The following CASP10 variants were observed in gnomAD, a reference collection of about 807,000 sequenced individuals.
The protein encoded by CASP10 is caspase 10, also known as caspase-10.
Under a neutral mutation model 48.5 loss-of-function variants are expected in CASP10, and 41 were observed. That is an observed-to-expected ratio of 0.85 (90% CI 0.66 to 1.10). The LOEUF is 1.10. Among genes scored for constraint, CASP10 ranks in the 50% least tolerant of loss-of-function variants. The pLI, the probability that CASP10 is intolerant of heterozygous loss-of-function variation, is 0.00. For missense variants in CASP10, 614 were observed against 614.5 expected (o/e 1.00, Z 0.01); for synonymous variants, 232 against 238.4 (o/e 0.97, Z 0.25).
chr2:201,191,001 A>G lies in CASP10; in HGVS notation c.442-1983A>G, dbSNP rs1358150824. Among the ~76,000 whole-genome samples the G allele has an allele frequency of 2.0e-5, 3 of 151,862 alleles. No individual in the cohort carries two copies. The East Asian group carries it at 5.8e-4, about 29-fold the overall frequency. ...CTCAGCCTCCTGAGTAGCTGGGATT[A>G]CAGGCGCCCACCACCACACCCAGCT... On this transcript the variant is annotated intron_variant, in intron 3 of 9. Coordinates refer to ENST00000286186, the MANE Select transcript of CASP10 (RefSeq NM_032977.4).
In CASP10 at chr2:201,217,710, T is replaced by C. The variant is rs1280633821; in HGVS notation, c.1538T>C (p.Phe513Ser). The change falls in exon 10 of 10, where the codon TTC becomes TCC. Residue 513 changes from phenylalanine (F) to serine (S), a missense_variant. Phe to Ser is a radical substitution (Grantham distance 155). Transcript: ENST00000286186. Reference sequence around the variant, plus strand: ...TTCACACTAAGGAAAAAACTAGTATTCCCTGTGCCCCTGGATGCACTTTCA... The same window carrying C: ...TTCACACTAAGGAAAAAACTAGTATCCCCTGTGCCCCTGGATGCACTTTCA... ...PAFTLRKKLV[F>S]PVPLDALSL 4 of 1,613,992 alleles carry C rather than the reference T, an allele frequency of 2.5e-6. No individual in the cohort carries two copies. In the African/African-American group the frequency reaches 5.3e-5, roughly 22 times the overall value.
chr2:201,187,428 C>CT (rs76064449), intron 2 of CASP10, among the ~76,000 whole-genome samples: 71 of 146,178 alleles, frequency 4.9e-4, no homozygotes, highest in African/African-American at 1.1e-3. Context: ...TGTTTTATGC[C>CT]TTTTTTTTTT....
chr2:201,204,203 G>T (rs1044002158), intron 6 of CASP10, among the ~76,000 whole-genome samples: 1 of 152,162 alleles, frequency 6.6e-6, no homozygotes, highest in Non-Finnish European at 1.5e-5. Context: ...ACTTGAGGAT[G>T]GTGTGTTTAG....
At chr2:201,192,896 A>C (rs1452192024) in intron 3 of CASP10, 88 bp from the exon 4 acceptor site, 1 of 1,377,296 alleles carries the variant, frequency 7.3e-7, no homozygotes, top group Non-Finnish European at 1.0e-6. Context: ...TCAGTGCAAA[A>C]CCTAGTGCCT....
In CASP10 at chr2:201,207,585, C is replaced by T. The variant is rs41478944; in HGVS notation, c.814-490C>T. Among the ~76,000 whole-genome samples, 233 of 152,110 alleles carry T rather than the reference C, an allele frequency of 1.5e-3. 3 individuals are homozygous for T. The highest frequency in any genetic ancestry group is 5.4e-3 in the African/African-American group (226 of 41,498). Reference sequence around the variant, plus strand: ...CATCCTGGCCAACATAGTGAAACCCCGTCTCTACTAAAAATACAAAAATTA... The same window carrying T: ...CATCCTGGCCAACATAGTGAAACCCTGTCTCTACTAAAAATACAAAAATTA... On this transcript the variant is annotated intron_variant, in intron 7 of 9. Coordinates refer to ENST00000286186, the MANE Select transcript of CASP10 (RefSeq NM_032977.4).
intron 7 of CASP10, 24 bp from the exon 8 acceptor site, chr2:201,208,051 A>G (rs1276019084): frequency 1.3e-6 from 2 of 1,541,694 alleles, no homozygotes; most frequent in Non-Finnish European, 1.8e-6. Flanking sequence ...GATTCCTACT[A>G]AGTGGCTCTA....
intron 7 of CASP10, among the ~76,000 whole-genome samples, chr2:201,207,046 A>G (rs1461364850): frequency 1.3e-5 from 2 of 152,188 alleles, no homozygotes; most frequent in Non-Finnish European, 2.9e-5. Context: ...CCTTGGAATT[A>G]ATTAGCTAAT....
At chr2:201,187,626 C>T (rs921144291) in intron 2 of CASP10, 80 bp from the exon 3 acceptor site, 9 of 1,006,160 alleles carry the variant, frequency 8.9e-6, no homozygotes, top group Non-Finnish European at 1.4e-5. Flanking sequence ...TGACAGAAAA[C>T]ATTTATGAAA....
intron 5 of CASP10, among the ~76,000 whole-genome samples, chr2:201,199,451 G>A (rs1207030205): frequency 1.3e-5 from 2 of 151,486 alleles, no homozygotes; most frequent in African/African-American, 4.9e-5. Flanking sequence ...AGGAGTTCAA[G>A]GTGAGCCTGG....
downstream of CASP10, among the ~76,000 whole-genome samples, chr2:201,221,883 G>A (rs957676741): frequency 6.6e-6 from 1 of 152,302 alleles, no homozygotes; most frequent in Admixed American, 6.5e-5. Flanking sequence ...ACAGCTGTGA[G>A]TCGTGGATCT....
intron 6 of CASP10, among the ~76,000 whole-genome samples, chr2:201,205,212 T>G (rs1249909589): frequency 6.8e-6 from 1 of 147,102 alleles, no homozygotes; most frequent in African/African-American, 2.5e-5. Context: ...CCCTCTTTTT[T>G]CTTTTCTTTT....
intron 9 of CASP10, among the ~76,000 whole-genome samples, chr2:201,227,839 G>A (rs1181024785): frequency 1.3e-5 from 2 of 152,016 alleles, no homozygotes; most frequent in East Asian, 1.9e-4. Context: ...GATTACAGGT[G>A]TGAGCCACCG....
intron 9 of CASP10, chr2:201,215,020 A>G (rs181910668): frequency 2.6e-5 from 4 of 152,110 alleles, no homozygotes; most frequent in African/African-American, 9.6e-5. Context: ...TTTTTTTCTT[A>G]TACCTGTGGA....
At chr2:201,200,527 G>A (rs1279546735) in intron 5 of CASP10, 2 of 1,597,860 alleles carry the variant, frequency 1.3e-6, no homozygotes, top group African/African-American at 2.7e-5. Context: ...CAAAGGCTGG[G>A]CAAACGCCCA....
intron 4 of CASP10, among the ~76,000 whole-genome samples, chr2:201,195,028 C>T (rs898784146): frequency 5.3e-5 from 8 of 152,064 alleles, no homozygotes; most frequent in Admixed American, 2.6e-4. Context: ...CAGCCTGCCT[C>T]GGCCTCCCAA....
intron 9 of CASP10, among the ~76,000 whole-genome samples, chr2:201,227,431 C>A (rs1025460146): frequency 2.6e-5 from 4 of 152,114 alleles, no homozygotes; most frequent in Non-Finnish European, 4.4e-5. Flanking sequence ...TTGCCCTGAG[C>A]CATCCCTGTT....
At chr2:201,203,505 C>G (rs988347339) in intron 5 of CASP10, among the ~76,000 whole-genome samples, 7 of 152,114 alleles carry the variant, frequency 4.6e-5, no homozygotes, top group African/African-American at 1.7e-4. Context: ...TGGGGTTTCA[C>G]CATGTTAGTC....
chr2:201,217,063 C>T (rs1294251769), intron 9 of CASP10, among the ~76,000 whole-genome samples: 2 of 152,144 alleles, frequency 1.3e-5, no homozygotes, highest in African/African-American at 2.4e-5. Flanking sequence ...ATGCCATCCT[C>T]GGTAAATGTT....
Position 201,183,183 on chromosome 2 carries a change from A to G in CASP10, c.-133A>G, listed in dbSNP as rs1944290414. On this transcript the variant is annotated 5_prime_UTR_variant, in exon 1 of 10. Transcript: ENST00000286186. Reference sequence around the variant, plus strand: ...CCAGCAAGTCTTGAAGTCTCTTCCCAAGCAAATGGGAGCTTCTTTGGACCT... The same window carrying G: ...CCAGCAAGTCTTGAAGTCTCTTCCCGAGCAAATGGGAGCTTCTTTGGACCT... The G allele has an allele frequency of 6.6e-6, 1 of 152,218 alleles. No homozygotes were observed. The highest frequency in any genetic ancestry group is 2.4e-5 in the African/African-American group (1 of 41,452). The allele number at this position is 152,218 out of a possible 1,614,324, so 9.4% of individuals were successfully genotyped here. A position where few individuals can be genotyped will look rare whatever the true frequency, so the allele number is the denominator to read the frequency against.
Sources: gnomAD v4.1 joint callset for allele counts (sites outside exome capture counted in the v4.1 genomes callset) on GRCh38, gnomAD v4.1.1 for gene constraint, MANE v1.5 for transcripts, NCBI Gene and HGNC (gene_info 2026-07-23, HGNC 2026-07-21) for gene names.